The following SORCS2 variants were observed in gnomAD, a reference collection of about 807,000 sequenced individuals.
The protein encoded by SORCS2 is sortilin related VPS10 domain containing receptor 2, also known as VPS10 domain-containing receptor SorCS2.
SORCS2 carries 100 observed loss-of-function variants against 141.6 expected under a neutral mutation model. That is an observed-to-expected ratio of 0.71 (90% CI 0.60 to 0.83). The LOEUF (loss-of-function observed/expected upper bound fraction) is 0.83. Among genes scored for constraint, SORCS2 ranks in the 40% least tolerant of loss-of-function variants. The probability of loss-of-function intolerance (pLI) is 0.00; values close to 1 mark genes in which losing one functional copy is unlikely to be tolerated. For synonymous variants in SORCS2, 789 were observed against 676.9 expected (o/e 1.17, Z -2.57); for missense variants, 1,646 against 1,560.2 (o/e 1.05, Z -0.93).
intron 2 of SORCS2, among the ~76,000 whole-genome samples, chr4:7,421,521 C>T (rs2109190472): frequency 6.6e-6 from 1 of 152,302 alleles, no homozygotes. Context: ...CTAGCCAGCG[C>T]CAGGGAATAC....
chr4:7,696,946 G>A (rs1724749918), intron 11 of SORCS2, among the ~76,000 whole-genome samples: 1 of 152,208 alleles, frequency 6.6e-6, no homozygotes, highest in South Asian at 2.1e-4. Context: ...GGTTCTCTGA[G>A]GTACCTGAGC....
intron 1 of SORCS2, among the ~76,000 whole-genome samples, chr4:7,370,317 G>A (rs186584806): frequency 6.6e-6 from 1 of 152,322 alleles, no homozygotes; most frequent in Admixed American, 6.5e-5. Flanking sequence ...GAGCCCGGAC[G>A]GGGGCAGAGG....
At chr4:7,398,188 T>C (rs879311658) in intron 2 of SORCS2, among the ~76,000 whole-genome samples, 7 of 152,226 alleles carry the variant, frequency 4.6e-5, no homozygotes, top group African/African-American at 1.4e-4. Context: ...TGACTGTGTC[T>C]GGCCCCCTGG....
rs983318838 is a variant in SORCS2, at chr4:7,234,518, C to T, written c.480+41392C>T. ...GTGGCCTCTCTGGGGTATCACTGGG[C>T]GGCCGACGTGGCCACATAGCCCAGG... On this transcript the variant is annotated intron_variant, in intron 1 of 26. Transcript: ENST00000507866. 1.1e-4 allele frequency among the ~76,000 whole-genome samples: 17 copies of T among 152,348 alleles called. No homozygotes were observed. The East Asian group carries it at 1.9e-3, about 17-fold the overall frequency.
At chr4:7,422,024 C>A (rs7694661) in intron 2 of SORCS2, among the ~76,000 whole-genome samples, 55,759 of 151,942 alleles carry the variant, frequency 0.37, 10,554 homozygotes, top group African/African-American at 0.45. Context: ...GGTTGAACCA[C>A]ACCGGTGCAG....
intron 1 of SORCS2, among the ~76,000 whole-genome samples, chr4:7,387,935 C>G (rs1560242229): frequency 1.4e-5 from 1 of 70,816 alleles, no homozygotes; most frequent in Non-Finnish European, 2.7e-5. Context: ...CATGCACACA[C>G]CGATACACAT....
intron 1 of SORCS2, among the ~76,000 whole-genome samples, chr4:7,200,452 C>T (rs1201357317): frequency 1.3e-5 from 2 of 152,218 alleles, no homozygotes; most frequent in Non-Finnish European, 2.9e-5. Flanking sequence ...CTTCCCCAGG[C>T]CTCAGTTTCC....
At chr4:7,320,158 A>T (rs1379498500) in intron 1 of SORCS2, among the ~76,000 whole-genome samples, 1 of 152,190 alleles carries the variant, frequency 6.6e-6, no homozygotes, top group Non-Finnish European at 1.5e-5. Context: ...TGAAAATAAG[A>T]TTTTAAAAAG....
chr4:7,621,197 C>T (rs1719149342), intron 3 of SORCS2, among the ~76,000 whole-genome samples: 1 of 152,178 alleles, frequency 6.6e-6, no homozygotes, highest in Admixed American at 6.5e-5. Context: ...CTGAGCCCCG[C>T]CCAGGGTGGT....
At chr4:7,364,113 C>T (rs1721743468) in intron 1 of SORCS2, among the ~76,000 whole-genome samples, 1 of 151,544 alleles carries the variant, frequency 6.6e-6, no homozygotes, top group Non-Finnish European at 1.5e-5. Context: ...TCATTGTCAC[C>T]ATCACCACCA....
chr4:7,203,050 C>T (rs1000560576), intron 1 of SORCS2, among the ~76,000 whole-genome samples: 1 of 152,172 alleles, frequency 6.6e-6, no homozygotes, highest in Non-Finnish European at 1.5e-5. Context: ...TTCGGTGTGG[C>T]AGGAGGACTT....
chr4:7,240,797 CA>C (rs1712641567), intron 1 of SORCS2, among the ~76,000 whole-genome samples: 1 of 152,202 alleles, frequency 6.6e-6, no homozygotes, highest in African/African-American at 2.4e-5. Context: ...GTGCTGTCTC[CA>C]AAACACCCTG....
chr4:7,578,416 T>C (rs1321193403), intron 3 of SORCS2, among the ~76,000 whole-genome samples: 2 of 152,226 alleles, frequency 1.3e-5, no homozygotes, highest in Non-Finnish European at 2.9e-5. Flanking sequence ...GAAGGGACTC[T>C]TGACCTAAAG....
rs970547602 is a variant in SORCS2 at position 7,729,470 on chromosome 4, C to T, written c.2983-117C>T. Reference sequence around the variant, plus strand: ...CCCCACGCCATGCAGGGGTCAGGAACGGCCTGTGAGACAGGTGTACAGGCC... The same window carrying T: ...CCCCACGCCATGCAGGGGTCAGGAATGGCCTGTGAGACAGGTGTACAGGCC... On this transcript the variant is annotated intron_variant, in intron 22 of 26. Coordinates refer to ENST00000507866, the MANE Select transcript of SORCS2 (RefSeq NM_020777.3). 5.5e-5 allele frequency: 74 copies of T among 1,337,388 alleles called. 2 individuals carry two copies. In the South Asian group the frequency reaches 7.7e-4, roughly 14 times the overall value. The allele number at this position is 1,337,388 out of a possible 1,614,324, so 82.8% of individuals were successfully genotyped here.
chr4:7,391,908 C>T (rs910536539), intron 1 of SORCS2, among the ~76,000 whole-genome samples: 1 of 152,182 alleles, frequency 6.6e-6, no homozygotes, highest in Non-Finnish European at 1.5e-5. Context: ...CCTGCAGACA[C>T]ACAGTCCCTA....
At chr4:7,378,245 C>T (rs1243705517) in intron 1 of SORCS2, among the ~76,000 whole-genome samples, 3 of 152,174 alleles carry the variant, frequency 2.0e-5, no homozygotes, top group Non-Finnish European at 2.9e-5. Context: ...GACTCCATTG[C>T]TTCTCTTCAG....
At chr4:7,590,457 G>C (rs537208179) in intron 3 of SORCS2, among the ~76,000 whole-genome samples, 3 of 152,310 alleles carry the variant, frequency 2.0e-5, no homozygotes, top group South Asian at 4.2e-4. Flanking sequence ...ATGCCTCCAG[G>C]GCAAGAATGA....
intron 2 of SORCS2, among the ~76,000 whole-genome samples, chr4:7,399,504 C>A (rs898654830): frequency 6.6e-6 from 1 of 152,198 alleles, no homozygotes; most frequent in Non-Finnish European, 1.5e-5. Flanking sequence ...GCACCCCCTC[C>A]TGGCTTCCCT....
chr4:7,600,115 C>A (rs1577818396), intron 3 of SORCS2, among the ~76,000 whole-genome samples: 1 of 152,144 alleles, frequency 6.6e-6, no homozygotes, highest in African/African-American at 2.4e-5. Context: ...AGCCACCACA[C>A]CCAGCCTGGT....
Sources: gnomAD v4.1 joint callset for allele counts (sites outside exome capture counted in the v4.1 genomes callset) on GRCh38, gnomAD v4.1.1 for gene constraint, MANE v1.5 for transcripts, NCBI Gene and HGNC (gene_info 2026-07-23, HGNC 2026-07-21) for gene names.